DGKB: variants seen among roughly 807,000 people sequenced by gnomAD.
The protein encoded by DGKB is diacylglycerol kinase beta, also known as 90 kDa diacylglycerol kinase.
In DGKB, 67 loss-of-function variants were observed where a neutral mutation model predicts 114.3. The ratio of observed to expected loss-of-function variants is 0.59; its 90% confidence interval spans 0.48 to 0.72. The LOEUF is 0.72. Ranked by LOEUF, DGKB falls within the 30% of genes least tolerant of loss-of-function variation. The probability of loss-of-function intolerance (pLI) is 0.00; values close to 1 mark genes in which losing one functional copy is unlikely to be tolerated. For missense variants in DGKB, 907 were observed against 975.2 expected (o/e 0.93, Z 0.93); for synonymous variants, 398 against 323.1 (o/e 1.23, Z -2.49).
At chr7:14,860,730 A>C (rs970723304) in intron 1 of DGKB, among the ~76,000 whole-genome samples, 1 of 151,912 alleles carries the variant, frequency 6.6e-6, no homozygotes, top group Non-Finnish European at 1.5e-5. Context: ...GAGGATTGTA[A>C]TAAGAACCTC....
chr7:14,841,504 GA>G (rs1847929479), intron 1 of DGKB, 54 bp from the exon 2 acceptor site: 6 of 370,110 alleles, frequency 1.6e-5, no homozygotes, highest in Admixed American at 1.3e-4. Flanking sequence ...TTGCACAAAG[GA>G]AAAAAATGTC....
chr7:14,364,412 A>G (rs1816291326), intron 21 of DGKB, among the ~76,000 whole-genome samples: 1 of 151,040 alleles, frequency 6.6e-6, no homozygotes, highest in Admixed American at 6.6e-5. Context: ...AAAAAGAAAG[A>G]AGGAAGAAAG....
intron 20 of DGKB, among the ~76,000 whole-genome samples, chr7:14,560,802 T>A (rs1584813411): frequency 6.6e-6 from 1 of 152,220 alleles, no homozygotes; most frequent in Non-Finnish European, 1.5e-5. Flanking sequence ...ATAGTGGCTA[T>A]ACCATTTTGC....
chr7:14,598,981 A>C (rs1015088764), intron 17 of DGKB, among the ~76,000 whole-genome samples: 1 of 152,178 alleles, frequency 6.6e-6, no homozygotes, highest in African/African-American at 2.4e-5. Flanking sequence ...AGGGATACCA[A>C]TTCTTCAAAA....
At chr7:14,917,741 G>A (rs184328420) in intron 1 of DGKB, among the ~76,000 whole-genome samples, 55 of 151,828 alleles carry the variant, frequency 3.6e-4, no homozygotes, top group South Asian at 2.7e-3. Context: ...AAAAATACAA[G>A]CAGAAAGACC....
At chr7:14,455,038 T>C (rs888812894) in intron 21 of DGKB, among the ~76,000 whole-genome samples, 1 of 152,148 alleles carries the variant, frequency 6.6e-6, no homozygotes, top group Non-Finnish European at 1.5e-5. Flanking sequence ...ACATCAGAAG[T>C]GTCTCCTGGT....
intron 21 of DGKB, among the ~76,000 whole-genome samples, chr7:14,389,318 A>T (rs10275729): frequency 0.2 from 29,785 of 152,134 alleles, 3,194 homozygotes; most frequent in African/African-American, 0.26. Context: ...ATGTTGTCCC[A>T]TCTAGGACCC....
rs528247727 is a variant in DGKB at position 14,547,236 on chromosome 7, T to G, written c.1770+26976A>C. Among the ~76,000 whole-genome samples, 3 of 152,252 alleles carry G rather than the reference T, an allele frequency of 2.0e-5. No homozygotes were observed. The East Asian group carries it at 5.8e-4, about 29-fold the overall frequency. ...CTCCACATCCTCAAAGAAAACAAAA[T>G]AAACCTGCTACATCCTGTGCCAGGG... On this transcript the variant is annotated intron_variant, in intron 20 of 25. Transcript: ENST00000402815.
intron 20 of DGKB, among the ~76,000 whole-genome samples, chr7:14,529,022 C>G (rs1373152495): frequency 1.3e-5 from 2 of 152,004 alleles, no homozygotes; most frequent in Non-Finnish European, 2.9e-5. Flanking sequence ...TTAGCAATTA[C>G]TGGGACCCAA....
intron 23 of DGKB, among the ~76,000 whole-genome samples, chr7:14,221,354 C>T (rs1562657578): frequency 6.6e-6 from 1 of 150,950 alleles, no homozygotes; most frequent in Non-Finnish European, 1.5e-5. Flanking sequence ...CTCTCTATTT[C>T]TAGTTTGTTG....
chr7:14,244,669 CAAAAAAA>C (rs34364672), intron 23 of DGKB, among the ~76,000 whole-genome samples: 539 of 46,396 alleles, frequency 0.012, 4 homozygotes, highest in African/African-American at 0.042. Flanking sequence ...GACTCTGTCT[CAAAAAAA>C]AAAAAAAAAA....
intron 20 of DGKB, among the ~76,000 whole-genome samples, chr7:14,546,402 C>T (rs923089516): frequency 5.9e-5 from 9 of 152,112 alleles, no homozygotes; most frequent in East Asian, 1.9e-4. Context: ...TCTTCTTTCG[C>T]GTGACTGTAA....
intron 1 of DGKB, among the ~76,000 whole-genome samples, chr7:14,911,428 T>C (rs1175322908): frequency 6.6e-6 from 1 of 152,114 alleles, no homozygotes; most frequent in Non-Finnish European, 1.5e-5. Context: ...TTATTTTAAA[T>C]ATTTTTCAAT....
intron 1 of DGKB, among the ~76,000 whole-genome samples, chr7:14,958,476 C>CA (rs3036023): frequency 2.5e-4 from 37 of 148,648 alleles, no homozygotes; most frequent in East Asian, 4.0e-4. Context: ...CACACACACA[C>CA]CCCGTCCAGG....
rs533178919 is a variant in DGKB, at chr7:14,778,044, G to A, written c.71-20313C>T. ...ATTAATTCAGATTTCATATCACCGT[G>A]AATTAATTAAAGAGACATCAGTATT... On this transcript the variant is annotated intron_variant, in intron 2 of 25. Coordinates refer to ENST00000402815, the MANE Select transcript of DGKB (RefSeq NM_001350709.2). 2.9e-3 allele frequency among the ~76,000 whole-genome samples: 437 copies of A among 152,232 alleles called. 2 individuals carry two copies. The highest frequency in any genetic ancestry group is 0.01 in the African/African-American group (421 of 41,542).
In DGKB at chr7:14,208,595, GT is replaced by G. The variant is rs1452448172; in HGVS notation, c.2123-30445del. Among the ~76,000 whole-genome samples the G allele has an allele frequency of 2.0e-5, 3 of 151,942 alleles. No homozygotes were observed. The East Asian group carries it at 5.8e-4, about 30-fold the overall frequency. ...CATTGATATTTCTTTATGTTTGTGT[GT>G]ACACATATACTAGTATTTCTGTATT... On this transcript the variant is annotated intron_variant, in intron 23 of 25. Coordinates refer to ENST00000402815, the MANE Select transcript of DGKB (RefSeq NM_001350709.2).
intron 23 of DGKB, among the ~76,000 whole-genome samples, chr7:14,273,580 C>G (rs138508989): frequency 7.2e-4 from 110 of 152,254 alleles, no homozygotes; most frequent in African/African-American, 2.5e-3. Context: ...GGCAGAAGTG[C>G]TAGTTTTGAG....
intron 1 of DGKB, among the ~76,000 whole-genome samples, chr7:14,916,491 A>G (rs1784246217): frequency 6.6e-6 from 1 of 152,124 alleles, no homozygotes; most frequent in African/African-American, 2.4e-5. Flanking sequence ...GTAAAGCTGG[A>G]TTAACTGTAT....
chr7:14,174,544 A>G (rs572411790), intron 25 of DGKB, among the ~76,000 whole-genome samples: 1 of 152,080 alleles, frequency 6.6e-6, no homozygotes, highest in African/African-American at 2.4e-5. Context: ...AGTTGGTTTT[A>G]TTTCTTTGAT....
Sources: allele counts gnomAD v4.1 joint callset (sites outside exome capture counted in the v4.1 genomes callset), GRCh38; gene constraint gnomAD v4.1.1; transcripts MANE v1.5; gene names NCBI Gene and HGNC (gene_info 2026-07-23, HGNC 2026-07-21).